Variants in GRM7 observed in about 807,000 individuals in gnomAD.
The protein encoded by GRM7 is metabotropic glutamate receptor 7.
Under a neutral mutation model 84.5 loss-of-function variants are expected in GRM7, and 35 were observed. The ratio of observed to expected loss-of-function variants is 0.41; its 90% CI spans 0.32 to 0.55. GRM7 has a LOEUF of 0.55. GRM7 is among the 20% of genes least tolerant of loss of function. The pLI is 0.19. For missense variants in GRM7, 1,003 were observed against 1,194.6 expected, an observed-to-expected ratio of 0.84 and a Z score of 2.36; for synonymous variants, 487 against 455.1, an observed-to-expected ratio of 1.07 and a Z score of -0.89.
intron 8 of GRM7, among the ~76,000 whole-genome samples, chr3:7,638,417 A>G (rs12486045): frequency 6.6e-6 from 1 of 152,322 alleles, no homozygotes; most frequent in African/African-American, 2.4e-5. Flanking sequence ...TTTATGAAAG[A>G]GGAAGCTAAA....
chr3:7,184,590 CTT>C (rs148985546), intron 2 of GRM7, among the ~76,000 whole-genome samples: 10,526 of 151,838 alleles, frequency 0.069, 1,074 homozygotes, highest in African/African-American at 0.23. Context: ...TTGTAAACTG[CTT>C]TCTCTCTCCA....
intron 4 of GRM7, among the ~76,000 whole-genome samples, chr3:7,362,924 T>C (rs976999978): frequency 2.0e-5 from 3 of 152,018 alleles, no homozygotes; most frequent in African/African-American, 7.2e-5. Flanking sequence ...AGCCAGAGTC[T>C]GGGCAACATA....
chr3:7,247,736 C>T (rs1697829169), intron 2 of GRM7, among the ~76,000 whole-genome samples: 3 of 151,494 alleles, frequency 2.0e-5, no homozygotes. Flanking sequence ...CCCCCATCTC[C>T]ATAATGTTTT....
At chr3:7,015,313 C>T (rs1695524670) in intron 1 of GRM7, among the ~76,000 whole-genome samples, 2 of 152,134 alleles carry the variant, frequency 1.3e-5, no homozygotes, top group African/African-American at 4.8e-5. Context: ...AGACCAAGAA[C>T]CCACCAGAAG....
chr3:7,307,769 C>T, intron 4 of GRM7, among the ~76,000 whole-genome samples: 1 of 152,178 alleles, frequency 6.6e-6, no homozygotes, highest in East Asian at 1.9e-4. Flanking sequence ...ATATTTTAAC[C>T]TTCTCCATTC....
At chr3:7,208,479 T>A (rs1257202984) in intron 2 of GRM7, among the ~76,000 whole-genome samples, 4 of 152,210 alleles carry the variant, frequency 2.6e-5, no homozygotes, top group Admixed American at 6.5e-5. Context: ...GATACAGATT[T>A]ATTTTAAAAA....
At chr3:6,988,466 G>A (rs1694511635) in intron 1 of GRM7, among the ~76,000 whole-genome samples, 1 of 152,032 alleles carries the variant, frequency 6.6e-6, no homozygotes, top group Non-Finnish European at 1.5e-5. Flanking sequence ...TCAGAGTAAT[G>A]CATTTGCTTT....
intron 4 of GRM7, among the ~76,000 whole-genome samples, chr3:7,349,377 C>T (rs963069683): frequency 6.6e-6 from 1 of 152,102 alleles, no homozygotes; most frequent in African/African-American, 2.4e-5. Context: ...GCTTGTCATG[C>T]AGAACTCAGG....
At chr3:7,594,295 T>C (rs559258105) in intron 8 of GRM7, among the ~76,000 whole-genome samples, 1 of 152,232 alleles carries the variant, frequency 6.6e-6, no homozygotes, top group African/African-American at 2.4e-5. Context: ...AGCCAAAATG[T>C]AGGTCCATGC....
chr3:7,358,188 T>C (rs1384234824), intron 4 of GRM7, among the ~76,000 whole-genome samples: 1 of 152,114 alleles, frequency 6.6e-6, no homozygotes, highest in Non-Finnish European at 1.5e-5. Context: ...AGCAAGTCTA[T>C]AAAGATCCCA....
intron 5 of GRM7, among the ~76,000 whole-genome samples, chr3:7,420,441 T>C (rs538434125): frequency 6.6e-6 from 1 of 152,136 alleles, no homozygotes; most frequent in African/African-American, 2.4e-5. Flanking sequence ...CTCTAAGACT[T>C]TTTTTGAAAC....
chr3:6,865,112 TG>T (rs1694895650), intron 1 of GRM7, among the ~76,000 whole-genome samples: 1 of 152,222 alleles, frequency 6.6e-6, no homozygotes, highest in Non-Finnish European at 1.5e-5. Flanking sequence ...TCACTGCAAC[TG>T]CCCTGCAATG....
intron 5 of GRM7, among the ~76,000 whole-genome samples, chr3:7,434,041 A>G (rs982253900): frequency 6.6e-6 from 1 of 152,090 alleles, no homozygotes; most frequent in Non-Finnish European, 1.5e-5. Flanking sequence ...GATTGTGTAT[A>G]TATTTTTGTT....
At chr3:7,060,393 G>T (rs73112854) in intron 1 of GRM7, among the ~76,000 whole-genome samples, 1,643 of 151,762 alleles carry the variant, frequency 0.011, 22 homozygotes, top group African/African-American at 0.038. Flanking sequence ...CTGAGTAGGG[G>T]CAGAAATGTT....
chr3:7,258,251 T>G (rs555956299), intron 2 of GRM7, among the ~76,000 whole-genome samples: 1 of 152,266 alleles, frequency 6.6e-6, no homozygotes, highest in African/African-American at 2.4e-5. Flanking sequence ...CCCTTTTTCT[T>G]ACTTCATTTG....
rs1699339483 is a variant in GRM7, at chr3:7,486,793, CT to C, written c.1515+25072del. On this transcript the variant is annotated intron_variant, in intron 7 of 9. Transcript: ENST00000357716. This position sits in a 1 kb window ranked among gnomAD's most constrained non-coding sequence, Gnocchi z 5.5. ...ACCAAAGAAACTAAGAAAATGGATG[CT>C]GGGAAGTGGAGTTGTTGCTATGCCT... 6.6e-6 allele frequency among the ~76,000 whole-genome samples: 1 copy of C among 152,090 alleles called. No individual in the cohort carries two copies.
chr3:7,580,433 G>C (rs892598058), intron 8 of GRM7, among the ~76,000 whole-genome samples: 1 of 152,116 alleles, frequency 6.6e-6, no homozygotes, highest in Non-Finnish European at 1.5e-5. Flanking sequence ...GGGAAAAACA[G>C]GGATTGATTT....
At chr3:7,198,949 T>C (rs1695974135) in intron 2 of GRM7, among the ~76,000 whole-genome samples, 1 of 152,192 alleles carries the variant, frequency 6.6e-6, no homozygotes, top group Non-Finnish European at 1.5e-5. Context: ...GATGTATCTT[T>C]AAAAGTTTTT....
chr3:7,652,207 G>A (rs1201025737), intron 8 of GRM7, among the ~76,000 whole-genome samples: 1 of 152,144 alleles, frequency 6.6e-6, no homozygotes, highest in African/African-American at 2.4e-5. Flanking sequence ...GAGAGTGAAG[G>A]GGGAAACCAG....
Sources: gnomAD v4.1 joint callset for allele counts (sites outside exome capture counted in the v4.1 genomes callset) on GRCh38, gnomAD v4.1.1 for gene constraint, Gnocchi (gnomAD v3.1) non-coding constraint, MANE v1.5 for transcripts, NCBI Gene and HGNC (gene_info 2026-07-23, HGNC 2026-07-21) for gene names.